Variants in KRT79 observed in about 807,000 individuals in gnomAD.
The protein encoded by KRT79 is keratin, type II cytoskeletal 79.
KRT79 carries 51 observed loss-of-function variants against 49.0 expected under a neutral mutation model. The observed-to-expected ratio is 1.04, with a 90% CI of 0.83 to 1.31. KRT79 has a LOEUF of 1.31. KRT79 is among the 40% of genes most tolerant of loss of function. The probability of loss-of-function intolerance (pLI) is 0.00; values close to 1 mark genes in which losing one functional copy is unlikely to be tolerated. For missense variants in KRT79, 728 were observed against 688.0 expected (o/e 1.06, Z -0.65); for synonymous variants, 312 against 286.6 (o/e 1.09, Z -0.90).
intron 2 of KRT79, among the ~76,000 whole-genome samples, chr12:52,830,946 A>G (rs1003908355): frequency 7.2e-5 from 11 of 152,352 alleles, no homozygotes; most frequent in South Asian, 2.1e-4. Context: ...ACTGAGTCAT[A>G]GATGAACTAC....
rs1487915513 is a variant in KRT79 at position 52,821,845 on chromosome 12, T to A, written c.*27A>T. ...GGGGTGAGGAGGGCAGGGACAGGATTGCAGGGGCCCTTGCAGGGCTCAGCA... is the reference window on the plus strand; with the variant it reads ...GGGGTGAGGAGGGCAGGGACAGGATAGCAGGGGCCCTTGCAGGGCTCAGCA... On this transcript the variant is annotated 3_prime_UTR_variant, in exon 9 of 9. Transcript: ENST00000330553. 2 of 1,605,296 alleles carry A rather than the reference T, an allele frequency of 1.2e-6. No homozygotes were observed. The highest frequency in any genetic ancestry group is 2.7e-5 in the African/African-American group (2 of 74,750).
chr12:52,834,239 G>A lies in KRT79; in HGVS notation c.22C>T (p.Gln8Ter), dbSNP rs1350010167. ...AAGCCCCCTTTTGTGGAGTATGTTT[G>A]CCGAGAGACGGAGGACCTCATAGCT... is the stretch of plus-strand genomic sequence containing the variant. MRSSVSR[Q>*]TYSTKGGFSS... Residue 8 changes from glutamine to a stop codon, truncating the protein, a stop_gained, in exon 1 of 9, where the codon CAA becomes TAA. Transcript: ENST00000330553. LOFTEE classifies it high-confidence loss of function. 3.1e-6 allele frequency: 5 copies of A among 1,613,354 alleles called. No individual in the cohort carries two copies. The highest frequency in any genetic ancestry group is 4.2e-6 in the Non-Finnish European group (5 of 1,180,012).
intron 1 of KRT79, among the ~76,000 whole-genome samples, chr12:52,833,307 G>A (rs971198234): frequency 6.6e-6 from 1 of 152,172 alleles, no homozygotes; most frequent in African/African-American, 2.4e-5. Flanking sequence ...TTGCCCTTAA[G>A]CCTCCTCCAA....
At position 52,833,913 on chromosome 12, in the gene KRT79, C is replaced by G. The variant is rs761866201; in HGVS notation, c.348G>C (p.Glu116Asp). 6.2e-7 allele frequency: 1 copy of G among 1,613,854 alleles called. No individual in the cohort carries two copies. Among genetic ancestry groups the G allele is most frequent in the Admixed American group, 1.7e-5 (1 of 60,000 alleles). ...GPACPPGGIQ[E>D]VTVNQSLLTP... is the part of the protein sequence containing the mutation. ...TCAGCAGGCTCTGGTTGACAGTGAC[C>G]TCCTGGATCCCCCCAGGAGGACAAG... The change falls in exon 1 of 9, where the codon GAG becomes GAC. Residue 116 changes from glutamate (E) to aspartate (D), a missense_variant. By Grantham distance (45) the Glu-to-Asp change is conservative. Transcript: ENST00000330553.
chr12:52,829,948 G>T (rs1285228439), intron 4 of KRT79, 75 bp downstream of exon 4: 3 of 1,254,616 alleles, frequency 2.4e-6, no homozygotes, highest in Non-Finnish European at 3.5e-6. Context: ...GGTGAATTCA[G>T]GTCAGACCTC....
At chr12:52,827,395 T>C (rs1733604467) in intron 4 of KRT79, among the ~76,000 whole-genome samples, 1 of 152,242 alleles carries the variant, frequency 6.6e-6, no homozygotes, top group African/African-American at 2.4e-5. Flanking sequence ...ATGCTGAGTA[T>C]GCCAGCCATG....
At chr12:52,822,975 G>A (rs1565689297) in intron 7 of KRT79, 41 bp downstream of exon 7, 11 of 1,595,636 alleles carry the variant, frequency 6.9e-6, no homozygotes, top group Non-Finnish European at 9.4e-6. Flanking sequence ...CCCAGGGCAG[G>A]CCCGACCCAG....
chr12:52,828,113 A>G (rs1037580487), intron 4 of KRT79, among the ~76,000 whole-genome samples: 15 of 152,220 alleles, frequency 9.9e-5, no homozygotes, highest in African/African-American at 3.6e-4. Flanking sequence ...TGTGTGTGAG[A>G]GGCATGAAGC....
chr12:52,822,951 TC>T, intron 7 of KRT79, 64 bp downstream of exon 7: 1 of 1,513,272 alleles, frequency 6.6e-7, no homozygotes, highest in Non-Finnish European at 9.0e-7. Flanking sequence ...CGGAGCAGAC[TC>T]CCTGGGCTCT....
chr12:52,823,391 C>T, intron 6 of KRT79, among the ~76,000 whole-genome samples, 155 bp from the exon 7 acceptor site: 1 of 152,214 alleles, frequency 6.6e-6, no homozygotes, highest in Non-Finnish European at 1.5e-5. Context: ...GATGCTATTA[C>T]ACAAGCAGGA....
intron 6 of KRT79, among the ~76,000 whole-genome samples, chr12:52,823,542 G>A (rs1277030518): frequency 6.6e-6 from 1 of 152,178 alleles, no homozygotes; most frequent in African/African-American, 2.4e-5. Context: ...ATCTGTGAAA[G>A]AACCCACACT....
intron 4 of KRT79, among the ~76,000 whole-genome samples, chr12:52,828,073 T>A (rs557694324): frequency 2.0e-5 from 3 of 152,204 alleles, no homozygotes; most frequent in African/African-American, 7.2e-5. Flanking sequence ...GACATCAACC[T>A]CCTCCAGACC....
chr12:52,831,696 T>C, intron 1 of KRT79, 70 bp from the exon 2 acceptor site: 1 of 1,272,498 alleles, frequency 7.9e-7, no homozygotes, highest in Non-Finnish European at 1.1e-6. Context: ...ATGGGGTCCA[T>C]TGCCACCTCC....
Position 52,831,612 on chromosome 12 carries a change from C to T in KRT79, c.492G>A (p.Glu164=), listed in dbSNP as rs777236074. ...TGGTCTCCAGCACCTTATTCTGTTGCTCCAGGAACCGCACCTGAGCCAGAG... is the reference window on the plus strand; with the variant it reads ...TGGTCTCCAGCACCTTATTCTGTTGTTCCAGGAACCGCACCTGAGCCAGAG... ...ASFIDKVRFL[E]QQNKVLETKW... is the part of the protein sequence containing the mutation. The change falls in exon 2 of 9, where the codon GAG becomes GAA. Residue 164 remains glutamate, a synonymous_variant. Coordinates refer to ENST00000330553, the MANE Select transcript of KRT79 (RefSeq NM_175834.3). 1.2e-6 allele frequency: 2 copies of T among 1,614,056 alleles called. No individual in the cohort carries two copies. Among genetic ancestry groups the T allele is most frequent in the Non-Finnish European group, 1.7e-6 (2 of 1,179,920 alleles).
At chr12:52,823,556 T>C (rs868351901) in intron 6 of KRT79, among the ~76,000 whole-genome samples, 4 of 152,220 alleles carry the variant, frequency 2.6e-5, no homozygotes, top group Admixed American at 6.5e-5. Flanking sequence ...CCACACTTTT[T>C]AGCCGTTCTA....
Position 52,822,490 on chromosome 12 carries a change from C to G in KRT79, c.1368-111G>C, listed in dbSNP as rs188500578. 54 of 735,620 alleles carry G rather than the reference C, an allele frequency of 7.3e-5. No homozygotes were observed. The Admixed American group carries it at 1.3e-3, about 18-fold the overall frequency. 45.6% of individuals were successfully genotyped at this position (735,620 alleles called of 1,614,324 possible). A position where few individuals can be genotyped will look rare whatever the true frequency, so the allele number is the denominator to read the frequency against. The stretch of plus-strand genomic sequence containing the variant: ...GGATCCACTCAGTGAATCCTGATGA[C>G]AAGACCAGGAAACATGAGAAGTATG... On this transcript the variant is annotated intron_variant, in intron 7 of 8. Coordinates refer to ENST00000330553, the MANE Select transcript of KRT79 (RefSeq NM_175834.3).
Position 52,823,933 on chromosome 12 carries a change from C to A in KRT79, c.1100G>T (p.Arg367Leu). ...CTCCCCCTGCAGCCTCTGGATAGTG[C>A]GGGTGAGCTCAGCAATCTCGTTCTT... is the stretch of plus-strand genomic sequence containing the variant. ...DTKNEIAELT[R>L]TIQRLQGEAD... Residue 367 changes from arginine to leucine, a missense_variant, in exon 6 of 9, where the codon CGC becomes CTC. Transcript: ENST00000330553. 6.2e-7 allele frequency: 1 copy of A among 1,614,046 alleles called. No individual in the cohort carries two copies. Among genetic ancestry groups the A allele is most frequent in the Non-Finnish European group, 8.5e-7 (1 of 1,179,990 alleles).
At position 52,824,349 on chromosome 12, in the gene KRT79, A is replaced by C. The variant is rs1201376888; in HGVS notation, c.869T>G (p.Val290Gly). The change falls in exon 5 of 9, where the codon GTG (valine) becomes GGG (glycine). Residue 290 changes from valine (V) to glycine (G), a missense_variant. By Grantham distance (109) the Val-to-Gly change is moderately radical. Transcript: ENST00000330553. ...QQLYEMELSQ[V>G]QTHVSNTNVV... ...ATTGGTGTTAGACACGTGGGTCTGC[A>C]CTTGGCTCAGCTCCTGAAGAATCAG... is the stretch of plus-strand genomic sequence containing the variant. 3 of 1,613,954 alleles carry C rather than the reference A, an allele frequency of 1.9e-6. No homozygotes were observed. Among genetic ancestry groups the C allele is most frequent in the Non-Finnish European group, 2.5e-6 (3 of 1,179,952 alleles).
At chr12:52,833,113 G>A (rs563539276) in intron 1 of KRT79, among the ~76,000 whole-genome samples, 3 of 152,314 alleles carry the variant, frequency 2.0e-5, no homozygotes, top group African/African-American at 7.2e-5. Flanking sequence ...CAAGGGCAAG[G>A]TTCAGGGCAT....
Sources: allele counts gnomAD v4.1 joint callset (sites outside exome capture counted in the v4.1 genomes callset), GRCh38; gene constraint gnomAD v4.1.1; transcripts MANE v1.5; gene names NCBI Gene and HGNC (gene_info 2026-07-23, HGNC 2026-07-21).